Variants in PTPRK observed in about 807,000 individuals in gnomAD.
The protein encoded by PTPRK is protein tyrosine phosphatase receptor type K, also known as receptor-type tyrosine-protein phosphatase kappa.
In PTPRK, 75 loss-of-function variants were observed where a neutral mutation model predicts 178.0. That is an observed-to-expected ratio of 0.42 (90% CI 0.35 to 0.51). PTPRK has a LOEUF of 0.51. PTPRK is among the 20% of genes least tolerant of loss of function. The pLI is 0.02. For synonymous variants in PTPRK, 637 were observed against 620.6 expected, an observed-to-expected ratio of 1.03 and a Z score of -0.39; for missense variants, 1,441 against 1,797.8, an observed-to-expected ratio of 0.80 and a Z score of 3.59.
intron 3 of PTPRK, among the ~76,000 whole-genome samples, chr6:128,255,183 G>T (rs1178088913): frequency 6.6e-6 from 1 of 152,102 alleles, no homozygotes. Context: ...TAGAGACGGG[G>T]TTTCACCATG....
chr6:128,397,557 G>T lies in PTPRK; in HGVS notation c.223+9C>A. 6 of 1,613,598 alleles carry T rather than the reference G, an allele frequency of 3.7e-6. No individual in the cohort carries two copies. Among genetic ancestry groups the T allele is most frequent in the Non-Finnish European group, 5.1e-6 (6 of 1,179,796 alleles). ...TCCCCCAACACTGACTAAACAGAGTGACTCTCACCTTGGGGCATCTCGGGT... is the reference window on the plus strand; with the variant it reads ...TCCCCCAACACTGACTAAACAGAGTTACTCTCACCTTGGGGCATCTCGGGT... On this transcript the variant is annotated intron_variant, in intron 2 of 29. Transcript: ENST00000368226.
At chr6:127,985,950 G>C in intron 21 of PTPRK, 75 bp from the exon 22 acceptor site, 1 of 1,394,984 alleles carries the variant, frequency 7.2e-7, no homozygotes, top group Non-Finnish European at 9.8e-7. Flanking sequence ...CACAATTATG[G>C]GTACAGACCC....
chr6:128,144,463 G>A (rs956993546), intron 7 of PTPRK, among the ~76,000 whole-genome samples: 7 of 152,066 alleles, frequency 4.6e-5, no homozygotes, highest in African/African-American at 1.4e-4. Context: ...TTACTCTGCT[G>A]GAACATTCCT....
At chr6:128,147,184 A>G (rs1796616721) in intron 7 of PTPRK, among the ~76,000 whole-genome samples, 1 of 152,196 alleles carries the variant, frequency 6.6e-6, no homozygotes, top group South Asian at 2.1e-4. Context: ...ATTTATACAG[A>G]GATTATATGA....
intron 6 of PTPRK, among the ~76,000 whole-genome samples, chr6:128,186,627 GA>G (rs756026582): frequency 6.6e-6 from 1 of 151,882 alleles, no homozygotes; most frequent in Non-Finnish European, 1.5e-5. Context: ...ATTCACAAAA[GA>G]AAAAAGTTTG....
intron 13 of PTPRK, among the ~76,000 whole-genome samples, chr6:128,029,642 AATAATAATAATAAT>A (rs1774940289): frequency 2.7e-5 from 1 of 37,350 alleles, no homozygotes; most frequent in Middle Eastern, 9.8e-3. Flanking sequence ...ATCTCAAAAT[AATAATAATAATAAT>A]AATAATAATA....
Position 128,520,591 on chromosome 6 carries a change from C to G in PTPRK, c.-233G>C. ...CTCTCCATGCTCGGCGGAGGCTGCT[C>G]CTGTTAGTCAAGAGTTACTTTGCTC... On this transcript the variant is annotated 5_prime_UTR_variant, in exon 1 of 30. Transcript: ENST00000368226. The G allele has an allele frequency of 1.9e-6, 1 of 522,400 alleles. No homozygotes were observed. 32.4% of individuals were successfully genotyped at this position (522,400 alleles called of 1,614,324 possible).
chr6:128,248,075 T>G (rs1480515999), intron 3 of PTPRK, among the ~76,000 whole-genome samples: 4 of 152,130 alleles, frequency 2.6e-5, no homozygotes, highest in African/African-American at 9.7e-5. Flanking sequence ...ACGAATAAAA[T>G]AGGCATCTGT....
chr6:128,022,004 C>T (rs1422633394), intron 13 of PTPRK, among the ~76,000 whole-genome samples: 3 of 152,140 alleles, frequency 2.0e-5, no homozygotes, highest in Non-Finnish European at 2.9e-5. Flanking sequence ...TACATACCAG[C>T]GCCTATCTTG....
chr6:127,976,915 C>T lies in PTPRK; in HGVS notation c.3843+8G>A. On this transcript the variant is annotated splice_region_variant and intron_variant, in intron 26 of 29. Transcript: ENST00000368226. The stretch of plus-strand genomic sequence containing the variant: ...ATAAGTACATAAAAGCAATCCATAG[C>T]CATTAACCTGGGACAAGTCGACTTC... 2 of 1,613,806 alleles carry T rather than the reference C, an allele frequency of 1.2e-6. No individual in the cohort carries two copies. Among genetic ancestry groups the T allele is most frequent in the Non-Finnish European group, 1.7e-6 (2 of 1,179,954 alleles).
At chr6:128,506,659 CAA>C (rs60473661) in intron 1 of PTPRK, among the ~76,000 whole-genome samples, 54 of 53,088 alleles carry the variant, frequency 1.0e-3, no homozygotes, top group African/African-American at 3.0e-3. Context: ...AACTCTGTCT[CAA>C]AAAAAAAAAA....
chr6:128,415,709 C>T lies in PTPRK; in HGVS notation c.101-18021G>A, dbSNP rs140605413. ...GATAAACAAACCCTAATCCAACCAG[C>T]GTTATGATTACAATAATATTAAATC... On this transcript the variant is annotated intron_variant, in intron 1 of 29. Coordinates refer to ENST00000368226, the MANE Select transcript of PTPRK (RefSeq NM_002844.4). 2.4e-4 allele frequency among the ~76,000 whole-genome samples: 36 copies of T among 152,124 alleles called. No homozygotes were observed. In the East Asian group the frequency reaches 6.6e-3, roughly 28 times the overall value.
chr6:128,486,669 G>C (rs539598102), intron 1 of PTPRK, among the ~76,000 whole-genome samples: 5 of 152,098 alleles, frequency 3.3e-5, no homozygotes, highest in Non-Finnish European at 7.4e-5. Context: ...CAGGCATGGA[G>C]GCATGTGCCT....
At chr6:128,068,949 GA>G (rs1782319713) in intron 11 of PTPRK, among the ~76,000 whole-genome samples, 2 of 151,460 alleles carry the variant, frequency 1.3e-5, no homozygotes, top group Non-Finnish European at 2.9e-5. Context: ...GTGGGGAGGA[GA>G]GGGGGAGGGA....
chr6:128,247,564 C>A (rs1252026781), intron 3 of PTPRK, among the ~76,000 whole-genome samples: 1 of 152,136 alleles, frequency 6.6e-6, no homozygotes, highest in Non-Finnish European at 1.5e-5. Context: ...AGTGATCTGC[C>A]TGCCTCAGCC....
chr6:128,468,064 A>T (rs984095411), intron 1 of PTPRK, among the ~76,000 whole-genome samples: 2 of 152,230 alleles, frequency 1.3e-5, no homozygotes, highest in African/African-American at 4.8e-5. Flanking sequence ...GAGGTCAAGG[A>T]CCACATTTGC....
intron 6 of PTPRK, among the ~76,000 whole-genome samples, chr6:128,201,424 G>C (rs1027475396): frequency 6.6e-6 from 1 of 152,218 alleles, no homozygotes; most frequent in Non-Finnish European, 1.5e-5. Flanking sequence ...GTGTGCATGA[G>C]TGTGTGCGTA....
chr6:128,220,911 T>C (rs1457222114), intron 5 of PTPRK, among the ~76,000 whole-genome samples: 1 of 152,178 alleles, frequency 6.6e-6, no homozygotes, highest in Non-Finnish European at 1.5e-5. Flanking sequence ...TATTTGTCCA[T>C]TTCTGGGGTG....
chr6:128,221,212 A>G lies in PTPRK; in HGVS notation c.694-2116T>C, dbSNP rs1269861397. On this transcript the variant is annotated intron_variant, in intron 5 of 29. Coordinates refer to ENST00000368226, the MANE Select transcript of PTPRK (RefSeq NM_002844.4). ...TTTTAGAGTAAATAATAAAGAGGAT[A>G]CTCTATTGCTTTAATAATTTTCTAA... Among the ~76,000 whole-genome samples, 6 of 152,034 alleles carry G rather than the reference A, an allele frequency of 3.9e-5. No individual in the cohort carries two copies. The East Asian group carries it at 5.8e-4, about 15-fold the overall frequency.
Sources: gnomAD v4.1 joint callset for allele counts (sites outside exome capture counted in the v4.1 genomes callset) on GRCh38, gnomAD v4.1.1 for gene constraint, MANE v1.5 for transcripts, NCBI Gene and HGNC (gene_info 2026-07-23, HGNC 2026-07-21) for gene names.